Variants in PRH1 observed in about 807,000 individuals in gnomAD.
PRH1 encodes the protein proline rich protein HaeIII subfamily 1.
PRH1 carries 7 observed loss-of-function variants against 7.9 expected under a neutral mutation model. That is an observed-to-expected ratio of 0.89 (90% confidence interval 0.50 to 1.67). The LOEUF (loss-of-function observed/expected upper bound fraction) is 1.67, where lower values mean the gene tolerates loss of function less well. Among genes scored for constraint, PRH1 ranks in the 40% most tolerant of loss-of-function variants. The pLI, the probability that PRH1 is intolerant of heterozygous loss-of-function variation, is 0.00. For missense variants in PRH1, 109 were observed against 223.6 expected (o/e 0.49, Z 3.27); for synonymous variants, 45 against 80.8 (o/e 0.56, Z 2.38).
chr12:11,020,016 C>T (rs1941517416), intron 1 of PRH1, among the ~76,000 whole-genome samples: 1 of 152,288 alleles, frequency 6.6e-6, no homozygotes. Flanking sequence ...CTACTTCACA[C>T]ACCTGATATA....
chr12:11,022,611 T>A, intron 1 of PRH1: 1 of 1,416,330 alleles, frequency 7.1e-7, no homozygotes, highest in Non-Finnish European at 9.6e-7. Flanking sequence ...GTAACACTTG[T>A]TCTGAGTCCT....
At chr12:11,131,746 C>T (rs1946349289) in intron 1 of PRH1, among the ~76,000 whole-genome samples, 1 of 152,118 alleles carries the variant, frequency 6.6e-6, no homozygotes. Context: ...CCAAACTTTT[C>T]CTCTGAGGAA....
intron 2 of PRH1, among the ~76,000 whole-genome samples, chr12:10,901,517 G>C (rs775418726): frequency 6.6e-6 from 1 of 152,118 alleles, no homozygotes; most frequent in Admixed American, 6.6e-5. Context: ...CACCCACCTT[G>C]CTCCCCACAA....
At chr12:11,150,687 G>A (rs1307768767) in intron 1 of PRH1, among the ~76,000 whole-genome samples, 1 of 152,092 alleles carries the variant, frequency 6.6e-6, no homozygotes, top group East Asian at 1.9e-4. Context: ...GGGGGAAGGG[G>A]AAGGGATAGC....
At chr12:11,165,907 T>C (rs1328426498) in intron 1 of PRH1, among the ~76,000 whole-genome samples, 1 of 152,212 alleles carries the variant, frequency 6.6e-6, no homozygotes, top group Non-Finnish European at 1.5e-5. Flanking sequence ...TGTGTCCCTC[T>C]CCCAGTATAG....
At chr12:11,052,199 CTT>C (rs1438647426) in intron 1 of PRH1, among the ~76,000 whole-genome samples, 1 of 151,938 alleles carries the variant, frequency 6.6e-6, no homozygotes, top group South Asian at 2.1e-4. Context: ...GAATTACACA[CTT>C]ATTTTTCGTC....
At chr12:11,146,443 G>C (rs1213846458) in intron 1 of PRH1, among the ~76,000 whole-genome samples, 1 of 151,874 alleles carries the variant, frequency 6.6e-6, no homozygotes, top group Non-Finnish European at 1.5e-5. Flanking sequence ...TTTTTTATTA[G>C]GTAAAATGAG....
chr12:10,974,969 A>G (rs1014445533), intron 1 of PRH1, among the ~76,000 whole-genome samples: 1 of 152,202 alleles, frequency 6.6e-6, no homozygotes, highest in African/African-American at 2.4e-5. Context: ...TTCTGACAGA[A>G]CTGAAAAACT....
At position 11,134,332 on chromosome 12, in the gene PRH1, T is replaced by C. The variant is rs1946485053; in HGVS notation, n.40-13152A>G. The stretch of plus-strand genomic sequence containing the variant: ...GAATATCCTGACCTTAAATTCTATA[T>C]GCACCTGATTTGTGTATGTGCTGTG... On this transcript the variant is annotated intron_variant and non_coding_transcript_variant, in intron 1 of 1. Transcript: ENST00000541175. The C allele has an allele frequency of 4.0e-6, 5 of 1,262,898 alleles. No individual in the cohort carries two copies. In the South Asian group the frequency reaches 8.3e-5, roughly 21 times the overall value. The allele number at this position is 1,262,898 out of a possible 1,614,324, so 78.2% of individuals were successfully genotyped here.
At chr12:11,120,796 C>T (rs1353362716), downstream of PRH1, 1 of 151,982 alleles carries the variant, frequency 6.6e-6, no homozygotes, top group African/African-American at 2.4e-5. Context: ...TTTCTTTGGC[C>T]CACTATTTCA....
At chr12:11,079,008 G>A (rs1187880462) in intron 1 of PRH1, 4 of 92,092 alleles carry the variant, frequency 4.3e-5, no homozygotes, top group African/African-American at 1.3e-4. Flanking sequence ...CATCCAGGTG[G>A]AATTACTCGT....
At chr12:11,021,617 G>A (rs1215005913) in intron 1 of PRH1, 3 of 1,432,408 alleles carry the variant, frequency 2.1e-6, no homozygotes, top group Non-Finnish European at 2.9e-6. Flanking sequence ...TCTGCTAGAA[G>A]ACCCACGATG....
At chr12:11,144,732 C>T (rs976777446) in intron 1 of PRH1, among the ~76,000 whole-genome samples, 8 of 152,300 alleles carry the variant, frequency 5.3e-5, no homozygotes, top group Admixed American at 2.6e-4. Flanking sequence ...AGGCAGGAAT[C>T]GGCTGTTTGG....
At chr12:11,030,758 A>T (rs1295464212) in intron 1 of PRH1, 1 of 1,614,208 alleles carries the variant, frequency 6.2e-7, no homozygotes, top group Non-Finnish European at 8.5e-7. Context: ...CAAAAAACAT[A>T]GCAGGGTCAG....
upstream of PRH1, chr12:10,884,274 C>G: frequency 1.2e-6 from 2 of 1,611,206 alleles, no homozygotes; most frequent in South Asian, 1.1e-5. Flanking sequence ...CGTGTCAGCT[C>G]CCTTTATAAA....
intron 2 of PRH1, among the ~76,000 whole-genome samples, chr12:10,944,894 T>G (rs1374182270): frequency 1.3e-5 from 2 of 152,210 alleles, no homozygotes; most frequent in Admixed American, 1.3e-4. Flanking sequence ...TAACTTTGCA[T>G]GCCAGGATGA....
intron 1 of PRH1, among the ~76,000 whole-genome samples, chr12:11,065,097 T>C (rs1002166161): frequency 1.3e-5 from 2 of 152,124 alleles, no homozygotes; most frequent in Non-Finnish European, 2.9e-5. Flanking sequence ...AATATCATTT[T>C]AAGTTTCTGT....
chr12:11,087,526 G>A (rs1464184909), intron 1 of PRH1, among the ~76,000 whole-genome samples: 2 of 116,634 alleles, frequency 1.7e-5, no homozygotes, highest in Non-Finnish European at 4.1e-5. Context: ...ATGGCAGCTG[G>A]CAGGACACTC....
At position 10,996,906 on chromosome 12, in the gene PRH1, T is replaced by G; in HGVS notation, c.-125-23185A>C. ...TAAAATGTTCCAGACACCATCAATTTGTTTTCTGCTAGAAAACACACAATG... is the reference window on the plus strand; with the variant it reads ...TAAAATGTTCCAGACACCATCAATTGGTTTTCTGCTAGAAAACACACAATG... On this transcript the variant is annotated intron_variant, in intron 1 of 3. Transcript: ENST00000539853. 2.6e-6 allele frequency: 4 copies of G among 1,522,226 alleles called. No individual in the cohort carries two copies. In the South Asian group the frequency reaches 5.3e-5, roughly 20 times the overall value. 94.3% of individuals were successfully genotyped at this position (1,522,226 alleles called of 1,614,324 possible).
Sources: gnomAD v4.1 joint callset for allele counts (sites outside exome capture counted in the v4.1 genomes callset) on GRCh38, gnomAD v4.1.1 for gene constraint, MANE v1.5 for transcripts, NCBI Gene and HGNC (gene_info 2026-07-23, HGNC 2026-07-21) for gene names.